Variants in CELF2 observed in about 807,000 individuals in gnomAD.
The protein encoded by CELF2 is CUGBP Elav-like family member 2, also known as CUG triplet repeat RNA-binding protein 2.
CELF2 carries 8 observed loss-of-function variants against 62.6 expected under a neutral mutation model. The ratio of observed to expected loss-of-function variants is 0.13; its 90% CI spans 0.07 to 0.23. The LOEUF is 0.23. Among genes scored for constraint, CELF2 ranks in the 10% least tolerant of loss-of-function variants. The probability of loss-of-function intolerance (pLI) is 1.00; values close to 1 mark genes in which losing one functional copy is unlikely to be tolerated. For synonymous variants in CELF2, 258 were observed against 250.0 expected (o/e 1.03, Z -0.30); for missense variants, 333 against 671.0 (o/e 0.50, Z 5.56).
intron 8 of CELF2, among the ~76,000 whole-genome samples, chr10:11,281,122 C>T (rs566613255): frequency 6.6e-6 from 1 of 152,134 alleles, no homozygotes; most frequent in Non-Finnish European, 1.5e-5. Context: ...GCCCCACCCC[C>T]AGGCTGTCAT....
At chr10:11,102,053 G>A (rs1405596277) in intron 1 of CELF2, 4 of 152,138 alleles carry the variant, frequency 2.6e-5, no homozygotes, top group Non-Finnish European at 4.4e-5. Context: ...TGTCATGGTA[G>A]AGCTCTTGAT....
intron 1 of CELF2, among the ~76,000 whole-genome samples, chr10:11,077,137 C>T (rs1007142819): frequency 1.3e-5 from 2 of 152,154 alleles, no homozygotes; most frequent in Non-Finnish European, 2.9e-5. Flanking sequence ...TGAATGTCTC[C>T]GTGGTGGTAG....
intron 2 of CELF2, among the ~76,000 whole-genome samples, chr10:10,973,961 C>G (rs149159783): frequency 8.4e-4 from 128 of 152,292 alleles, no homozygotes; most frequent in Non-Finnish European, 1.3e-3. Context: ...ACCTTTCCCC[C>G]ACATCATTCT....
chr10:10,855,882 A>G (rs1214367694), intron 1 of CELF2, among the ~76,000 whole-genome samples: 3 of 152,164 alleles, frequency 2.0e-5, no homozygotes, highest in Non-Finnish European at 2.9e-5. Flanking sequence ...GATATTCGCT[A>G]TCTACTATGT....
At chr10:10,741,418 G>C in the CELF2 span, among the ~76,000 whole-genome samples, 2 of 148,832 alleles carry the variant, frequency 1.3e-5, no homozygotes, top group Non-Finnish European at 3.0e-5. Flanking sequence ...GGCTGAGGAA[G>C]GAGAATTGCT....
At chr10:10,853,382 G>A (rs2059508308) in intron 1 of CELF2, among the ~76,000 whole-genome samples, 1 of 152,168 alleles carries the variant, frequency 6.6e-6, no homozygotes, top group African/African-American at 2.4e-5. Flanking sequence ...ATGGTGGGCA[G>A]GTAGGGGGGC....
chr10:10,811,464 G>C (rs1013036259), intron 1 of CELF2, among the ~76,000 whole-genome samples: 3 of 152,116 alleles, frequency 2.0e-5, no homozygotes, highest in African/African-American at 4.8e-5. Flanking sequence ...TTAGGACTCA[G>C]TTCTCCCACA....
the CELF2 span, among the ~76,000 whole-genome samples, chr10:10,513,838 A>G: frequency 3.3e-5 from 5 of 152,148 alleles, no homozygotes; most frequent in Admixed American, 6.5e-5. Context: ...TTCCCTCTCT[A>G]TGCAAAGTAT....
the CELF2 span, among the ~76,000 whole-genome samples, chr10:10,777,440 A>G: frequency 2.0e-5 from 3 of 152,158 alleles, no homozygotes; most frequent in Non-Finnish European, 4.4e-5. Flanking sequence ...CCGAGCTGGC[A>G]TCCTAGCTAT....
chr10:10,856,456 TG>T (rs888217828), intron 1 of CELF2, among the ~76,000 whole-genome samples: 6 of 152,172 alleles, frequency 3.9e-5, no homozygotes, highest in Non-Finnish European at 8.8e-5. Flanking sequence ...CTTGTAATTT[TG>T]GGGGAAAAAA....
chr10:10,911,506 C>T (rs1027229825), intron 1 of CELF2, among the ~76,000 whole-genome samples: 4 of 152,206 alleles, frequency 2.6e-5, no homozygotes. Context: ...CTGACGGCTC[C>T]GACTGCAGGC....
At chr10:10,707,058 G>T in the CELF2 span, among the ~76,000 whole-genome samples, 1 of 152,160 alleles carries the variant, frequency 6.6e-6, no homozygotes, top group African/African-American at 2.4e-5. Context: ...CAACCCTAGG[G>T]GGTCAATGCT....
At chr10:11,095,555 G>C (rs1249844749) in intron 1 of CELF2, among the ~76,000 whole-genome samples, 5 of 152,304 alleles carry the variant, frequency 3.3e-5, no homozygotes, top group East Asian at 1.9e-4. Flanking sequence ...GGTTTAACAG[G>C]CATATAAGCT....
the CELF2 span, among the ~76,000 whole-genome samples, chr10:10,594,505 A>C: frequency 6.6e-6 from 1 of 152,222 alleles, no homozygotes; most frequent in Non-Finnish European, 1.5e-5. Context: ...AGAGCCCAGA[A>C]GCAGAGAAAA....
intron 1 of CELF2, among the ~76,000 whole-genome samples, chr10:10,891,907 G>A (rs2062173770): frequency 6.6e-6 from 1 of 152,196 alleles, no homozygotes; most frequent in Non-Finnish European, 1.5e-5. Flanking sequence ...AAATAGCACA[G>A]TATATACTGA....
In CELF2 at chr10:11,270,679, C is replaced by G; in HGVS notation, c.632C>G (p.Pro211Arg). The stretch of plus-strand genomic sequence containing the variant: ...GTCTGACCACAGGGCTGCTCTTCAC[C>G]TATCGTGGTGAAGTTTGCTGACACT... ...QSQTMEGCSS[P>R]IVVKFADTQK... is the part of the protein sequence containing the mutation. The change falls in exon 7 of 13, where the codon CCT becomes CGT. Residue 211 changes from proline (P) to arginine (R), a missense_variant. By Grantham distance (103) the Pro-to-Arg change is moderately radical (BLOSUM62 -2). Around this residue, in one of 3 missense-constraint regions of CELF2, gnomAD observed 253 missense variants for 503.0 expected, o/e 0.50. Transcript: ENST00000633077. This position sits in a 1 kb window ranked among gnomAD's most constrained non-coding sequence, Gnocchi z 5.8. 6.6e-7 allele frequency: 1 copy of G among 1,505,730 alleles called. No homozygotes were observed. Among genetic ancestry groups the G allele is most frequent in the Non-Finnish European group, 8.9e-7 (1 of 1,121,400 alleles). The allele number at this position is 1,505,730 out of a possible 1,614,324, so 93.3% of individuals were successfully genotyped here.
the CELF2 span, among the ~76,000 whole-genome samples, chr10:10,679,937 A>G: frequency 6.6e-6 from 1 of 152,184 alleles, no homozygotes; most frequent in Non-Finnish European, 1.5e-5. Context: ...CTTCCTCTAC[A>G]GGGAGTTTTT....
chr10:11,287,458 A>G (rs1020434004), intron 8 of CELF2, among the ~76,000 whole-genome samples: 3 of 152,220 alleles, frequency 2.0e-5, no homozygotes, highest in African/African-American at 4.8e-5. Context: ...TGTTGCCCCA[A>G]ATCTCTCAGC....
At chr10:10,741,297 T>C in the CELF2 span, among the ~76,000 whole-genome samples, 150 of 151,924 alleles carry the variant, frequency 9.9e-4, no homozygotes, top group African/African-American at 3.5e-3. Flanking sequence ...CAGATCACGA[T>C]GTCAACAGAT....
Sources: gnomAD v4.1 joint callset for allele counts (sites outside exome capture counted in the v4.1 genomes callset) on GRCh38, gnomAD v4.1.1 for gene constraint, gnomAD v4.1.1 regional missense constraint, Gnocchi (gnomAD v3.1) non-coding constraint, MANE v1.5 for transcripts, NCBI Gene and HGNC (gene_info 2026-07-23, HGNC 2026-07-21) for gene names.